DLG2: variants seen among roughly 807,000 people sequenced by gnomAD.
DLG2 encodes disks large homolog 2.
A neutral mutation model predicts 132.5 loss-of-function variants in DLG2; 45 were observed. The observed-to-expected ratio is 0.34, with a 90% confidence interval of 0.27 to 0.44. DLG2 has a LOEUF of 0.44. DLG2 is among the 20% of genes least tolerant of loss of function. The pLI, the probability that DLG2 is intolerant of heterozygous loss-of-function variation, is 1.00. For synonymous variants in DLG2, 424 were observed against 419.6 expected, an observed-to-expected ratio of 1.01 and a Z score of -0.13; for missense variants, 1,045 against 1,196.9, an observed-to-expected ratio of 0.87 and a Z score of 1.87.
At chr11:85,502,671 G>A (rs2093832773) in intron 3 of DLG2, among the ~76,000 whole-genome samples, 1 of 152,110 alleles carries the variant, frequency 6.6e-6, no homozygotes, top group South Asian at 2.1e-4. Flanking sequence ...GCAAGGGGAG[G>A]GAGAGCATTA....
At chr11:85,420,786 C>T (rs955944392) in intron 3 of DLG2, among the ~76,000 whole-genome samples, 6 of 152,176 alleles carry the variant, frequency 3.9e-5, no homozygotes, top group African/African-American at 1.2e-4. Flanking sequence ...GCCCCTCCCC[C>T]CACCAAGCTC....
chr11:84,194,764 G>A (rs1362008382), intron 8 of DLG2, among the ~76,000 whole-genome samples: 2 of 152,148 alleles, frequency 1.3e-5, no homozygotes, highest in East Asian at 1.9e-4. Context: ...TGGGACCCAC[G>A]CTGGGGCCGC....
At chr11:84,862,382 T>G (rs181043694) in intron 6 of DLG2, among the ~76,000 whole-genome samples, 3 of 152,132 alleles carry the variant, frequency 2.0e-5, no homozygotes, top group Non-Finnish European at 4.4e-5. Flanking sequence ...GGAGTGTAAA[T>G]TAGTTCAACC....
At chr11:85,463,432 A>G (rs2092680684) in intron 3 of DLG2, among the ~76,000 whole-genome samples, 1 of 152,230 alleles carries the variant, frequency 6.6e-6, no homozygotes, top group African/African-American at 2.4e-5. Context: ...ACACAAGAAG[A>G]AGGAGAGATA....
At chr11:85,320,768 C>G (rs895034341) in intron 3 of DLG2, among the ~76,000 whole-genome samples, 1 of 151,732 alleles carries the variant, frequency 6.6e-6, no homozygotes, top group African/African-American at 2.4e-5. Flanking sequence ...GTGAAAATAT[C>G]TTAAGTCAGG....
chr11:85,028,173 G>C (rs1355104509), intron 6 of DLG2, among the ~76,000 whole-genome samples: 1 of 152,174 alleles, frequency 6.6e-6, no homozygotes, highest in Non-Finnish European at 1.5e-5. Flanking sequence ...GTCCTGACAA[G>C]ACAACAGCAA....
chr11:84,180,297 T>G (rs1452189593), intron 8 of DLG2, among the ~76,000 whole-genome samples: 2 of 151,888 alleles, frequency 1.3e-5, no homozygotes, highest in East Asian at 3.9e-4. Flanking sequence ...GAGGATACAA[T>G]AATAGAAACT....
chr11:85,377,872 T>TAC (rs996693453), intron 3 of DLG2, among the ~76,000 whole-genome samples: 7 of 149,318 alleles, frequency 4.7e-5, no homozygotes, highest in African/African-American at 1.5e-4. Context: ...TACATATATA[T>TAC]ACACACACAC....
At chr11:85,592,924 G>T (rs1360659979) in intron 3 of DLG2, among the ~76,000 whole-genome samples, 1 of 149,506 alleles carries the variant, frequency 6.7e-6, no homozygotes, top group Non-Finnish European at 1.5e-5. Context: ...CTGCACTCTA[G>T]CTTGGGCAAC....
chr11:83,534,297 T>A (rs2095830942), intron 20 of DLG2, among the ~76,000 whole-genome samples: 1 of 152,208 alleles, frequency 6.6e-6, no homozygotes, highest in Admixed American at 6.5e-5. Context: ...CCTCAATAAA[T>A]AATTGTCCAG....
At chr11:83,510,213 TTCCC>T (rs894520837) in intron 21 of DLG2, among the ~76,000 whole-genome samples, 22 of 151,486 alleles carry the variant, frequency 1.5e-4, no homozygotes, top group Non-Finnish European at 2.4e-4. Flanking sequence ...CCTCCCCTCA[TTCCC>T]TCCCTCCCTC....
intron 6 of DLG2, among the ~76,000 whole-genome samples, chr11:84,835,847 G>A (rs2079689206): frequency 6.6e-6 from 1 of 151,700 alleles, no homozygotes; most frequent in Non-Finnish European, 1.5e-5. Context: ...GGTAAACAGT[G>A]ATCTAAATTG....
chr11:85,106,119 C>A (rs1594265457), intron 6 of DLG2, among the ~76,000 whole-genome samples: 1 of 151,994 alleles, frequency 6.6e-6, no homozygotes, highest in East Asian at 1.9e-4. Flanking sequence ...CATGCTGGAA[C>A]AATTAACACT....
At chr11:85,463,692 GC>G (rs991554080) in intron 3 of DLG2, among the ~76,000 whole-genome samples, 1 of 152,094 alleles carries the variant, frequency 6.6e-6, no homozygotes, top group African/African-American at 2.4e-5. Flanking sequence ...GATGACTTGA[GC>G]CCAGGAGTTC....
intron 6 of DLG2, among the ~76,000 whole-genome samples, chr11:84,708,621 C>A (rs967284912): frequency 8.6e-5 from 13 of 151,902 alleles, no homozygotes; most frequent in East Asian, 3.9e-4. Flanking sequence ...TCAGCCAAAA[C>A]AGGCATCCGG....
At chr11:83,562,722 T>C (rs999733858) in intron 19 of DLG2, among the ~76,000 whole-genome samples, 4 of 152,158 alleles carry the variant, frequency 2.6e-5, no homozygotes, top group African/African-American at 4.8e-5. Context: ...AAGGAAAATA[T>C]GATAACTTAG....
intron 10 of DLG2, among the ~76,000 whole-genome samples, chr11:84,084,874 T>C (rs1271074707): frequency 1.3e-5 from 2 of 152,186 alleles, no homozygotes; most frequent in Non-Finnish European, 2.9e-5. Context: ...TGTTTCCTCC[T>C]AGTAATTTTC....
At chr11:85,280,694 A>T in intron 4 of DLG2, among the ~76,000 whole-genome samples, 1 of 151,996 alleles carries the variant, frequency 6.6e-6, no homozygotes, top group Non-Finnish European at 1.5e-5. Flanking sequence ...ACTCACCATA[A>T]TTGGGAGCTA....
intron 6 of DLG2, among the ~76,000 whole-genome samples, chr11:84,980,266 G>A (rs1210029246): frequency 1.3e-5 from 2 of 152,048 alleles, no homozygotes; most frequent in African/African-American, 2.4e-5. Context: ...ACAATAAGAT[G>A]TAGGCTAGAA....
Sources: allele counts gnomAD v4.1 joint callset (sites outside exome capture counted in the v4.1 genomes callset), GRCh38; gene constraint gnomAD v4.1.1; transcripts MANE v1.5; gene names NCBI Gene and HGNC (gene_info 2026-07-23, HGNC 2026-07-21).